The following DCHS2 variants were observed in gnomAD, a reference collection of about 807,000 sequenced individuals.
DCHS2 encodes protocadherin-23.
In DCHS2, 142 loss-of-function variants were observed where a neutral mutation model predicts 182.4. That is an observed-to-expected ratio of 0.78 (90% CI 0.68 to 0.89). The LOEUF (loss-of-function observed/expected upper bound fraction) is 0.89. Among genes scored for constraint, DCHS2 ranks in the 40% least tolerant of loss-of-function variants. The pLI is 0.00. For synonymous variants in DCHS2, 1,740 were observed against 1,663.3 expected, an observed-to-expected ratio of 1.05 and a Z score of -1.12; for missense variants, 4,319 against 4,198.6, an observed-to-expected ratio of 1.03 and a Z score of -0.79.
intron 1 of DCHS2, among the ~76,000 whole-genome samples, chr4:154,488,761 C>T (rs28641597): frequency 4.3e-4 from 66 of 151,938 alleles, no homozygotes; most frequent in Admixed American, 1.4e-3. Context: ...AGAAATTAGC[C>T]AGGTATGGTG....
intron 1 of DCHS2, among the ~76,000 whole-genome samples, chr4:154,400,794 TA>T (rs1271624093): frequency 6.6e-6 from 1 of 152,210 alleles, no homozygotes; most frequent in Non-Finnish European, 1.5e-5. Context: ...GCTCTTTTTT[TA>T]CCCTGTCCCC....
chr4:154,453,371 G>T (rs188111430), intron 1 of DCHS2, among the ~76,000 whole-genome samples: 91 of 151,290 alleles, frequency 6.0e-4, no homozygotes, highest in African/African-American at 2.1e-3. Context: ...GCTCAAGAGG[G>T]TTATATTTAG....
At chr4:154,429,872 T>C (rs1163285458) in intron 1 of DCHS2, among the ~76,000 whole-genome samples, 2 of 152,188 alleles carry the variant, frequency 1.3e-5, no homozygotes, top group African/African-American at 4.8e-5. Flanking sequence ...ACTAGCTGTG[T>C]AATCGTATGC....
At chr4:154,271,526 A>C (rs2111208139) in intron 13 of DCHS2, among the ~76,000 whole-genome samples, 1 of 152,312 alleles carries the variant, frequency 6.6e-6, no homozygotes, top group Admixed American at 6.5e-5. Context: ...GAAGATGCTG[A>C]GTGCCTTTAA....
At chr4:154,345,080 T>G (rs931131643) in intron 3 of DCHS2, among the ~76,000 whole-genome samples, 3 of 152,184 alleles carry the variant, frequency 2.0e-5, no homozygotes, top group African/African-American at 4.8e-5. Context: ...CTGCCACTGG[T>G]GGAACAGATC....
chr4:154,385,832 G>T (rs1731388829), intron 1 of DCHS2, among the ~76,000 whole-genome samples: 1 of 151,966 alleles, frequency 6.6e-6, no homozygotes, highest in Non-Finnish European at 1.5e-5. Context: ...TTGGTAATTT[G>T]TTACTGCAGC....
At chr4:154,246,441 A>G (rs1490197567) in intron 16 of DCHS2, among the ~76,000 whole-genome samples, 1 of 152,164 alleles carries the variant, frequency 6.6e-6, no homozygotes, top group African/African-American at 2.4e-5. Context: ...GAAAGTGAAG[A>G]GTGCTAGTCA....
Position 154,234,591 on chromosome 4 carries a change from G to A in DCHS2, c.10061C>T (p.Thr3354Ile), listed in dbSNP as rs1731353694. 1 of 1,613,988 alleles carries A rather than the reference G, an allele frequency of 6.2e-7. No individual in the cohort carries two copies. The highest frequency in any genetic ancestry group is 1.1e-5 in the South Asian group (1 of 91,076). ...TTCATGGCATGTACCACTGATGTGTGTTCCTAATAATTCTCCTTCTCTCAA... is the reference window on the plus strand; with the variant it reads ...TTCATGGCATGTACCACTGATGTGTATTCCTAATAATTCTCCTTCTCTCAA... ...PLLREGELLG[T>I]HISGTCHELK... The change falls in exon 20 of 20, where the codon ACA becomes ATA. Residue 3354 changes from threonine (T) to isoleucine (I), a missense_variant. Physicochemically the swap from Thr to Ile is moderately conservative, Grantham distance 89. Transcript: ENST00000357232.
At position 154,234,412 on chromosome 4, in the gene DCHS2, T is replaced by G; in HGVS notation, c.*124A>C. The G allele has an allele frequency of 7.4e-7, 1 of 1,343,250 alleles. No homozygotes were observed. The allele number at this position is 1,343,250 out of a possible 1,614,324, so 83.2% of individuals were successfully genotyped here. On this transcript the variant is annotated 3_prime_UTR_variant, in exon 20 of 20. Transcript: ENST00000357232. ...ACTTTAATGGGGAAGTTTTAAAAACTCTAACTAAATTACATCACTTGCTTT... is the reference window on the plus strand; with the variant it reads ...ACTTTAATGGGGAAGTTTTAAAAACGCTAACTAAATTACATCACTTGCTTT...
At chr4:154,262,701 AT>A (rs1560993909) in intron 14 of DCHS2, among the ~76,000 whole-genome samples, 1 of 152,244 alleles carries the variant, frequency 6.6e-6, no homozygotes, top group African/African-American at 2.4e-5. Flanking sequence ...TACTGTGTAC[AT>A]GCATTTGTAC....
At chr4:154,334,188 G>A (rs1029116296) in intron 4 of DCHS2, 2 of 152,524 alleles carry the variant, frequency 1.3e-5, no homozygotes, top group Admixed American at 6.5e-5. Context: ...ATCTACCTAT[G>A]AAGGGCAAAT....
chr4:154,234,653 G>GGAAA lies in DCHS2; in HGVS notation c.9995_9998dup (p.Leu3334PhefsTer30). The stretch of plus-strand genomic sequence containing the variant: ...AGGCAGGAGGCTGCATCGTCAATAG[G>GGAAA]GAAAGAGATGGAGAAAAATTGGGAG... On this transcript the variant is annotated frameshift_variant, in exon 20 of 20. Coordinates refer to ENST00000357232, the MANE Select transcript of DCHS2 (RefSeq NM_001358235.2). LOFTEE classifies it low-confidence loss of function (END_TRUNC). The GGAAA allele has an allele frequency of 6.2e-7, 1 of 1,614,000 alleles. No homozygotes were observed. Among genetic ancestry groups the GGAAA allele is most frequent in the African/African-American group, 1.3e-5 (1 of 75,028 alleles).
intron 16 of DCHS2, among the ~76,000 whole-genome samples, chr4:154,250,250 C>T (rs1732286845): frequency 1.3e-5 from 2 of 152,086 alleles, no homozygotes; most frequent in Non-Finnish European, 1.5e-5. Context: ...AACCTCTCCC[C>T]TTGGTCTCCA....
rs761160797 is a variant in DCHS2, at chr4:154,237,158, G to A, written c.7494C>T (p.Gly2498=). The A allele has an allele frequency of 6.2e-7, 1 of 1,602,522 alleles. No individual in the cohort carries two copies. The highest frequency in any genetic ancestry group is 1.7e-5 in the Admixed American group (1 of 58,656). Reference sequence around the variant, plus strand: ...ATACGGGACTGATAGTAAATATTGTGCCTGAAAAATAAGACATAGTATTTC... The same window carrying A: ...ATACGGGACTGATAGTAAATATTGTACCTGAAAAATAAGACATAGTATTTC... ...SKEFSIDPKN[G]TIFTISPVLL... The change falls in exon 20 of 20, where the codon GGC becomes GGT. Residue 2498 remains glycine (G), a splice_region_variant and synonymous_variant. Transcript: ENST00000357232.
chr4:154,423,748 A>T (rs1360906421), intron 1 of DCHS2, among the ~76,000 whole-genome samples: 1 of 152,230 alleles, frequency 6.6e-6, no homozygotes, highest in Non-Finnish European at 1.5e-5. Flanking sequence ...CGCTTTTCTT[A>T]TATGCATATG....
intron 1 of DCHS2, among the ~76,000 whole-genome samples, chr4:154,450,172 G>T (rs1734475296): frequency 6.6e-6 from 1 of 152,168 alleles, no homozygotes; most frequent in South Asian, 2.1e-4. Flanking sequence ...GGCGACAGTG[G>T]GAAAGGGAGG....
chr4:154,254,134 TA>T, intron 16 of DCHS2, among the ~76,000 whole-genome samples: 2 of 152,294 alleles, frequency 1.3e-5, no homozygotes, highest in East Asian at 3.9e-4. Flanking sequence ...TTGCGAGGAT[TA>T]AATAGAATAC....
At chr4:154,420,699 G>C (rs1348277937) in intron 1 of DCHS2, among the ~76,000 whole-genome samples, 1 of 152,154 alleles carries the variant, frequency 6.6e-6, no homozygotes. Flanking sequence ...TTGGATGAGG[G>C]CAGATCTTCC....
intron 17 of DCHS2, among the ~76,000 whole-genome samples, chr4:154,242,141 C>T (rs910183612): frequency 2.6e-5 from 4 of 152,168 alleles, no homozygotes; most frequent in African/African-American, 9.6e-5. Context: ...CAGCATCTCA[C>T]TTAAAAATTT....
Sources: gnomAD v4.1 joint callset for allele counts (sites outside exome capture counted in the v4.1 genomes callset) on GRCh38, gnomAD v4.1.1 for gene constraint, MANE v1.5 for transcripts, NCBI Gene and HGNC (gene_info 2026-07-23, HGNC 2026-07-21) for gene names.